The following FLNA variants were observed in gnomAD, a reference collection of about 807,000 sequenced individuals.
The protein encoded by FLNA is filamin-A.
A neutral mutation model predicts 157.6 loss-of-function variants in FLNA; 7 were observed. That is an observed-to-expected ratio of 0.04 (90% CI 0.03 to 0.08). The LOEUF (loss-of-function observed/expected upper bound fraction) is 0.08. Among genes scored for constraint, FLNA ranks in the 10% least tolerant of loss-of-function variants. The pLI, the probability that FLNA is intolerant of heterozygous loss-of-function variation, is 1.00. For synonymous variants in FLNA, 1,103 were observed against 1,060.8 expected, an observed-to-expected ratio of 1.04 and a Z score of -0.77; for missense variants, 1,750 against 2,398.4, an observed-to-expected ratio of 0.73 and a Z score of 5.65.
chrX:154,355,628 G>A (rs2067657126), intron 30 of FLNA, among the ~76,000 whole-genome samples: 1 of 113,358 alleles, frequency 8.8e-6, no homozygotes, highest in South Asian at 3.5e-4. Context: ...AGACAGGAGT[G>A]GGAGCGGGGA....
At chrX:154,363,927 G>C in intron 15 of FLNA, 95 bp downstream of exon 15, 1 of 971,041 alleles carries the variant, frequency 1.0e-6, no homozygotes, top group South Asian at 2.0e-5. Context: ...GGACAGGGGA[G>C]TCAGGATGGT....
chrX:154,363,637 T>C (rs1412922390), intron 15 of FLNA, among the ~76,000 whole-genome samples: 4 of 110,943 alleles, frequency 3.6e-5, no homozygotes, highest in Non-Finnish European at 3.8e-5. Context: ...GGTGTGAACC[T>C]GGGAGAAAGA....
chrX:154,355,018 T>C lies in FLNA; in HGVS notation c.5024A>G (p.Asp1675Gly). The C allele has an allele frequency of 1.7e-6, 2 of 1,210,868 alleles. No individual in the cohort carries two copies. Among genetic ancestry groups the C allele is most frequent in the Non-Finnish European group, 2.2e-6 (2 of 894,654 alleles). The change falls in exon 31 of 48, where the codon GAC becomes GGC. Residue 1675 changes from aspartate to glycine, a missense_variant. Physicochemically the swap from Asp to Gly is moderately conservative, Grantham distance 94. This residue lies in a region of FLNA where 970 missense variants were observed against 1,302.6 expected (regional missense o/e 0.74). Transcript: ENST00000369850. ...TTTGCCTTTGCCTGCCGCCTTAGTG[T>C]CCACAGTGATCACCGTCTCCTCCCC... is the stretch of plus-strand genomic sequence containing the variant. ...QIGEETVITVDTKAAGKGKVT... is the reference protein window; with the variant it reads ...QIGEETVITVGTKAAGKGKVT...
chrX:154,355,438 C>T (rs1218536184), intron 30 of FLNA, among the ~76,000 whole-genome samples: 4 of 113,917 alleles, frequency 3.5e-5, no homozygotes, highest in East Asian at 2.8e-4. Context: ...GCTGGGCACA[C>T]GGCTGCCTGC....
At chrX:154,371,651 G>C (rs1170942177) in intron 1 of FLNA, among the ~76,000 whole-genome samples, 1 of 113,351 alleles carries the variant, frequency 8.8e-6, no homozygotes, top group Non-Finnish European at 1.9e-5. Context: ...GCAGTGTCTG[G>C]CGCGGGACTG....
At position 154,362,647 on chromosome X, in the gene FLNA, C is replaced by T; in HGVS notation, c.2404+14G>A. On this transcript the variant is annotated intron_variant, in intron 16 of 47. Coordinates refer to ENST00000369850, the MANE Select transcript of FLNA (RefSeq NM_001110556.2). The stretch of plus-strand genomic sequence containing the variant: ...CCCCAGCCACCTGCCCTCCCACCCA[C>T]AGCCAGGCCTTACCCTGGCCAGCCT... The T allele has an allele frequency of 8.3e-7, 1 of 1,211,121 alleles. No individual in the cohort carries two copies. The highest frequency in any genetic ancestry group is 1.1e-6 in the Non-Finnish European group (1 of 895,425).
chrX:154,353,504 C>A, intron 36 of FLNA, 47 bp from the exon 37 acceptor site: 6 of 1,210,515 alleles, frequency 5.0e-6, no homozygotes, highest in Non-Finnish European at 6.7e-6. Context: ...CCATGGGAGA[C>A]CATGCCCACC....
At chrX:154,349,103 TCTC>T (rs2067598063) in intron 47 of FLNA, 67 bp from the exon 48 acceptor site, 1 of 1,071,398 alleles carries the variant, frequency 9.3e-7, no homozygotes, top group Admixed American at 2.6e-5. Flanking sequence ...CCTGCTCTCC[TCTC>T]CTGTCCCTAA....
chrX:154,350,705 G>A lies in FLNA; in HGVS notation c.7156+204C>T, dbSNP rs1397367962. 5.7e-5 allele frequency: 26 copies of A among 459,445 alleles called. No homozygotes were observed. The South Asian group carries it at 6.5e-4, about 12-fold the overall frequency. The allele number at this position is 459,445 out of a possible 1,213,427, so 37.9% of individuals were successfully genotyped here. A position where few individuals can be genotyped will look rare whatever the true frequency, so the allele number is the denominator to read the frequency against. ...CTGTGGAGATGGCATGGTACTGCAG[G>A]GTAGAAGGCCTTCCTAATAGCTGTG... On this transcript the variant is annotated intron_variant, in intron 44 of 47. Transcript: ENST00000369850.
chrX:154,364,960 G>A lies in FLNA; in HGVS notation c.1692-3C>T, dbSNP rs781904011. On this transcript the variant is annotated splice_region_variant and splice_polypyrimidine_tract_variant and intron_variant, in intron 11 of 47. Coordinates refer to ENST00000369850, the MANE Select transcript of FLNA (RefSeq NM_001110556.2). ...TGCCCACCTTCACTTCGAAGGGACT[G>A]CAAATGCGAGAGCCACACAGGGAAC... 2.3e-5 allele frequency: 28 copies of A among 1,209,836 alleles called. No homozygotes were observed. In the South Asian group the frequency reaches 2.6e-4, roughly 11 times the overall value.
chrX:154,359,666 G>C lies in FLNA; in HGVS notation c.3980-20C>G, dbSNP rs782074460. ...GCAGTCCTGGAGGAGTGCAGGCCAG[G>C]TCAGGAGGAGCCCGGGCCACCCCAC... is the stretch of plus-strand genomic sequence containing the variant. On this transcript the variant is annotated intron_variant, in intron 23 of 47. Transcript: ENST00000369850. The C allele has an allele frequency of 1.3e-5, 16 of 1,209,389 alleles. No homozygotes were observed. The East Asian group carries it at 4.7e-4, about 36-fold the overall frequency.
rs372874251 is a variant in FLNA, at chrX:154,360,408, G to C, written c.3387C>G (p.Thr1129=). Residue 1129 remains threonine (T), a synonymous_variant, in exon 22 of 48, where the codon ACC becomes ACG. Transcript: ENST00000369850. The stretch of plus-strand genomic sequence containing the variant: ...TGTTGATGTTGTAGTCCCCGGGCTC[G>C]GTGGGCACGTAGGACACGGAACATG... ...DGTCSVSYVP[T]EPGDYNINIL... 1.3e-4 allele frequency: 162 copies of C among 1,210,676 alleles called. No individual in the cohort carries two copies. The East Asian group carries it at 4.1e-3, about 31-fold the overall frequency.
Position 154,353,262 on chromosome X carries a change from C to T in FLNA, c.6022+34G>A, listed in dbSNP as rs1461035239. 2.5e-6 allele frequency: 3 copies of T among 1,210,153 alleles called. No individual in the cohort carries two copies. In the Admixed American group the frequency reaches 6.5e-5, roughly 26 times the overall value. On this transcript the variant is annotated intron_variant, in intron 37 of 47. Coordinates refer to ENST00000369850, the MANE Select transcript of FLNA (RefSeq NM_001110556.2). ...GGCATGGCTCCCCACAGGCTGCCTC[C>T]TTTCTGAACCCCCTGGACCCTTCAG...
At chrX:154,356,421 C>G (rs1557176855) in intron 30 of FLNA, among the ~76,000 whole-genome samples, 1 of 112,196 alleles carries the variant, frequency 8.9e-6, no homozygotes, top group African/African-American at 3.2e-5. Flanking sequence ...CAGCCTCCCC[C>G]GCCCTGCGCA....
intron 30 of FLNA, among the ~76,000 whole-genome samples, chrX:154,355,912 C>A (rs1029628050): frequency 8.9e-6 from 1 of 112,833 alleles, no homozygotes; most frequent in African/African-American, 3.2e-5. Context: ...AGCCTGGCCT[C>A]CTGCCAGGGA....
intron 39 of FLNA, 45 bp downstream of exon 39, chrX:154,352,727 G>C (rs201030213): frequency 8.3e-7 from 1 of 1,210,799 alleles, no homozygotes; most frequent in Non-Finnish European, 1.1e-6. Flanking sequence ...CTGCCTGTGG[G>C]CCCTGGTGTA....
intron 29 of FLNA, 66 bp from the exon 30 acceptor site, chrX:154,357,340 T>C: frequency 8.4e-7 from 1 of 1,185,932 alleles, no homozygotes; most frequent in Non-Finnish European, 1.1e-6. Flanking sequence ...CGGCCCCCAC[T>C]CCCACACGCC....
At position 154,366,743 on chromosome X, in the gene FLNA, G is replaced by A; in HGVS notation, c.976C>T (p.His326Tyr). The A allele has an allele frequency of 8.3e-7, 1 of 1,208,953 alleles. No homozygotes were observed. The highest frequency in any genetic ancestry group is 1.1e-6 in the Non-Finnish European group (1 of 892,977). ...VLVYVEDPAG[H>Y]QEEAKVTANN... ...GCAGCTGGCCCTACCTCCTCCTGGT[G>A]TCCGGCCGGGTCCTCCACGTACACC... is the stretch of plus-strand genomic sequence containing the variant. Residue 326 changes from histidine to tyrosine, a missense_variant, in exon 6 of 48, where the codon CAC becomes TAC. Transcript: ENST00000369850.
Position 154,354,691 on chromosome X carries a change from G to C in FLNA, c.5238C>G (p.Pro1746=), listed in dbSNP as rs1201538859. The change falls in exon 32 of 48, where the codon CCC becomes CCG. Residue 1746 remains proline (P), a synonymous_variant. Transcript: ENST00000369850. ...FQVTALAGDQ[P]SVQPPLRSQQ... ...GAGACCGTAGAGGGGGCTGCACCGA[G>C]GGCTGGTCCCCAGCCAGAGCCTGCA... The C allele has an allele frequency of 1.7e-6, 2 of 1,206,853 alleles. No homozygotes were observed. The highest frequency in any genetic ancestry group is 1.1e-6 in the Non-Finnish European group (1 of 893,466).
Sources: allele counts gnomAD v4.1 joint callset (sites outside exome capture counted in the v4.1 genomes callset), GRCh38; gene constraint gnomAD v4.1.1; regional missense constraint gnomAD v4.1.1; transcripts MANE v1.5; gene names NCBI Gene and HGNC (gene_info 2026-07-23, HGNC 2026-07-21).